Variants in PRPF6 observed in about 807,000 individuals in gnomAD.
PRPF6 encodes pre-mRNA-processing factor 6.
PRPF6 carries 42 observed loss-of-function variants against 118.3 expected under a neutral mutation model. The ratio of observed to expected loss-of-function variants is 0.35; its 90% CI spans 0.28 to 0.46. The LOEUF is 0.46. Ranked by LOEUF, PRPF6 falls within the 20% of genes least tolerant of loss-of-function variation. PRPF6 has a pLI of 1.00. For synonymous variants in PRPF6, 481 were observed against 485.1 expected (o/e 0.99, Z 0.11); for missense variants, 662 against 1,255.7 (o/e 0.53, Z 7.15).
intron 7 of PRPF6, 70 bp downstream of exon 7, chr20:63,999,209 T>C: frequency 1.6e-6 from 2 of 1,254,412 alleles, no homozygotes; most frequent in Non-Finnish European, 2.3e-6. Flanking sequence ...GGATTTTATA[T>C]GGACAGTATG....
At chr20:63,983,990 TGA>T (rs2059082829) in intron 2 of PRPF6, among the ~76,000 whole-genome samples, 2 of 152,074 alleles carry the variant, frequency 1.3e-5, no homozygotes, top group Admixed American at 6.6e-5. Flanking sequence ...GTGGAATTGG[TGA>T]TAGTATTTGC....
chr20:64,015,722 C>A (rs1196771319), intron 11 of PRPF6, among the ~76,000 whole-genome samples: 1 of 152,188 alleles, frequency 6.6e-6, no homozygotes, highest in Admixed American at 6.6e-5. Context: ...TGCTTCTTTG[C>A]AGTATAAGAT....
At position 63,993,268 on chromosome 20, in the gene PRPF6, GTATATA is replaced by G. The variant is rs147189959; in HGVS notation, c.360-125_360-120del. On this transcript the variant is annotated intron_variant, in intron 3 of 20. Coordinates refer to ENST00000266079, the MANE Select transcript of PRPF6 (RefSeq NM_012469.4). ...TGTGTGTGTGTGTGTGTGTGTATAT[GTATATA>G]TATATATATATATTTGATTTAGCTA... is the stretch of plus-strand genomic sequence containing the variant. 6 of 333,888 alleles carry G rather than the reference GTATATA, an allele frequency of 1.8e-5. 1 individual carries two copies. The Middle Eastern group carries it at 3.2e-3, about 176-fold the overall frequency. The allele number at this position is 333,888 out of a possible 1,614,324, so 20.7% of individuals were successfully genotyped here. A position where few individuals can be genotyped will look rare whatever the true frequency, so the allele number is the denominator to read the frequency against.
At chr20:64,019,093 T>G (rs1312152612) in intron 12 of PRPF6, among the ~76,000 whole-genome samples, 5 of 80,170 alleles carry the variant, frequency 6.2e-5, no homozygotes, top group Non-Finnish European at 1.2e-4. Flanking sequence ...TTGTTGTTGG[T>G]TTTTTTTTTT....
Position 64,028,664 on chromosome 20 carries a change from C to A in PRPF6, c.2431+95C>A. 7.3e-7 allele frequency: 1 copy of A among 1,366,368 alleles called. No homozygotes were observed. The highest frequency in any genetic ancestry group is 1.0e-6 in the Non-Finnish European group (1 of 982,958). 84.6% of individuals were successfully genotyped at this position (1,366,368 alleles called of 1,614,324 possible). On this transcript the variant is annotated intron_variant, in intron 18 of 20. Coordinates refer to ENST00000266079, the MANE Select transcript of PRPF6 (RefSeq NM_012469.4). The surrounding 1 kb of genome is among the most constrained non-coding windows in gnomAD (Gnocchi z 6.5). ...AGGGGGTGCTTCCTGGCTTCCCAGACTCCGCAGGGCTGGCACTTCCTGAGG... is the reference window on the plus strand; with the variant it reads ...AGGGGGTGCTTCCTGGCTTCCCAGAATCCGCAGGGCTGGCACTTCCTGAGG...
At position 64,026,153 on chromosome 20, in the gene PRPF6, C is replaced by T. The variant is rs149670576; in HGVS notation, c.2028+95C>T. 79 of 1,570,200 alleles carry T rather than the reference C, an allele frequency of 5.0e-5. No homozygotes were observed. Among genetic ancestry groups the T allele is most frequent in the Non-Finnish European group, 5.9e-5 (69 of 1,162,896 alleles). On this transcript the variant is annotated intron_variant, in intron 15 of 20. Transcript: ENST00000266079. This position sits in a 1 kb window ranked among gnomAD's most constrained non-coding sequence, Gnocchi z 4.4. Reference sequence around the variant, plus strand: ...TTGGGTGGTGATGGGAGTGAGATGACGGCAGGCAAACGAGACCACAGCACA... The same window carrying T: ...TTGGGTGGTGATGGGAGTGAGATGATGGCAGGCAAACGAGACCACAGCACA...
At position 63,981,162 on chromosome 20, in the gene PRPF6, G is replaced by A. The variant is rs565002933; in HGVS notation, c.-84G>A. ...CGACACTTTGCTACGGAGTGCATCGGACGTCGAAGCCTAGAGTCTCTGCGT... is the reference window on the plus strand; with the variant it reads ...CGACACTTTGCTACGGAGTGCATCGAACGTCGAAGCCTAGAGTCTCTGCGT... On this transcript the variant is annotated 5_prime_UTR_variant, in exon 1 of 21. Coordinates refer to ENST00000266079, the MANE Select transcript of PRPF6 (RefSeq NM_012469.4). The A allele has an allele frequency of 5.0e-6, 7 of 1,413,190 alleles. No homozygotes were observed. The African/African-American group carries it at 8.5e-5, about 17-fold the overall frequency. The allele number at this position is 1,413,190 out of a possible 1,614,324, so 87.5% of individuals were successfully genotyped here. A position where few individuals can be genotyped will look rare whatever the true frequency, so the allele number is the denominator to read the frequency against.
At position 64,026,924 on chromosome 20, in the gene PRPF6, C is replaced by T; in HGVS notation, c.2029-58C>T. Reference sequence around the variant, plus strand: ...GTAACAGTGTTGAGGATGAGTGTACCATGAAGCACGTACCCTGGAGCTGAT... The same window carrying T: ...GTAACAGTGTTGAGGATGAGTGTACTATGAAGCACGTACCCTGGAGCTGAT... On this transcript the variant is annotated intron_variant, in intron 15 of 20. Transcript: ENST00000266079. This position sits in a 1 kb window ranked among gnomAD's most constrained non-coding sequence, Gnocchi z 4.4. The T allele has an allele frequency of 6.3e-7, 1 of 1,588,296 alleles. No homozygotes were observed. Among genetic ancestry groups the T allele is most frequent in the Non-Finnish European group, 8.6e-7 (1 of 1,157,632 alleles).
At chr20:64,022,440 C>T (rs1020535566) in intron 12 of PRPF6, among the ~76,000 whole-genome samples, 3 of 152,074 alleles carry the variant, frequency 2.0e-5, no homozygotes, top group East Asian at 1.9e-4. Flanking sequence ...GCCGAATAGC[C>T]GGGATTACAG....
chr20:63,993,248 GTGTGTGTGTGTGTGTATA>G (rs1248628776), intron 3 of PRPF6, among the ~76,000 whole-genome samples, 141 bp from the exon 4 acceptor site: 1 of 138,512 alleles, frequency 7.2e-6, no homozygotes, highest in Non-Finnish European at 1.6e-5. Flanking sequence ...GTGTGTGTGT[GTGTGTGTGTGTGTGTATA>G]TGTATATATA....
Position 63,999,656 on chromosome 20 carries a change from A to G in PRPF6, c.920A>G (p.His307Arg). The G allele has an allele frequency of 1.2e-6, 2 of 1,614,170 alleles. No homozygotes were observed. The highest frequency in any genetic ancestry group is 1.7e-6 in the Non-Finnish European group (2 of 1,180,032). Reference sequence around the variant, plus strand: ...AAGTCTGTTCGGGAGACGAACCCTCATCACCCGCCAGCCTGGATTGCATCA... The same window carrying G: ...AAGTCTGTTCGGGAGACGAACCCTCGTCACCCGCCAGCCTGGATTGCATCA... ...LLKSVRETNP[H>R]HPPAWIASAR... The change falls in exon 8 of 21, where the codon CAT (histidine) becomes CGT (arginine). Residue 307 changes from histidine (H) to arginine (R), a missense_variant. Coordinates refer to ENST00000266079, the MANE Select transcript of PRPF6 (RefSeq NM_012469.4).
intron 5 of PRPF6, 81 bp from the exon 6 acceptor site, chr20:63,995,246 G>T: frequency 6.4e-7 from 1 of 1,572,554 alleles, no homozygotes; most frequent in Non-Finnish European, 8.7e-7. Context: ...GGCCACTGGG[G>T]AAGTATTTCA....
At chr20:64,017,708 G>A (rs1454434187) in intron 12 of PRPF6, among the ~76,000 whole-genome samples, 2 of 152,244 alleles carry the variant, frequency 1.3e-5, no homozygotes, top group East Asian at 1.9e-4. Flanking sequence ...TACTCTGTTC[G>A]CTCTCATGCA....
chr20:64,006,134 A>G (rs1291410157), intron 9 of PRPF6, among the ~76,000 whole-genome samples: 1 of 151,948 alleles, frequency 6.6e-6, no homozygotes. Context: ...AAGCAGAAAT[A>G]CTAAACTGTT....
chr20:64,017,561 C>G (rs1420243040), intron 12 of PRPF6, among the ~76,000 whole-genome samples: 3 of 148,142 alleles, frequency 2.0e-5, no homozygotes, highest in Admixed American at 1.3e-4. Context: ...TCCCACGGTG[C>G]TGGGATCACA....
At chr20:63,997,263 A>G (rs1415937772) in intron 6 of PRPF6, among the ~76,000 whole-genome samples, 1 of 148,928 alleles carries the variant, frequency 6.7e-6, no homozygotes, top group Admixed American at 6.7e-5. Context: ...CAATTAGCTC[A>G]TGGTGCAGCA....
Position 64,011,590 on chromosome 20 carries a change from A to G in PRPF6, c.1524+87A>G, listed in dbSNP as rs1334018527. 8.3e-6 allele frequency: 12 copies of G among 1,446,590 alleles called. No homozygotes were observed. Among genetic ancestry groups the G allele is most frequent in the Non-Finnish European group, 1.1e-5 (12 of 1,061,730 alleles). 89.6% of individuals were successfully genotyped at this position (1,446,590 alleles called of 1,614,324 possible). On this transcript the variant is annotated intron_variant, in intron 11 of 20. Coordinates refer to ENST00000266079, the MANE Select transcript of PRPF6 (RefSeq NM_012469.4). This position sits in a 1 kb window ranked among gnomAD's most constrained non-coding sequence, Gnocchi z 6.7. ...CCCACGCAGGACTGGGGGTTGCTGG[A>G]TGGTACTGGGGAGTCCTGTGCCAAA...
At chr20:63,994,553 G>T (rs528749924) in intron 4 of PRPF6, among the ~76,000 whole-genome samples, 10 of 152,332 alleles carry the variant, frequency 6.6e-5, no homozygotes, top group African/African-American at 2.4e-4. Flanking sequence ...GCTGAGGTGG[G>T]AGGATCACTT....
chr20:64,031,386 A>C (rs1332143472), intron 19 of PRPF6, among the ~76,000 whole-genome samples: 1 of 152,210 alleles, frequency 6.6e-6, no homozygotes, highest in Non-Finnish European at 1.5e-5. Flanking sequence ...TTTTTTAAGA[A>C]ACAGTTTGGG....
Sources: gnomAD v4.1 joint callset for allele counts (sites outside exome capture counted in the v4.1 genomes callset) on GRCh38, gnomAD v4.1.1 for gene constraint, Gnocchi (gnomAD v3.1) non-coding constraint, MANE v1.5 for transcripts, NCBI Gene and HGNC (gene_info 2026-07-23, HGNC 2026-07-21) for gene names.